Variants in KANTR observed in about 807,000 individuals in gnomAD.
KANTR encodes KANTR integral membrane protein.
intron 2 of KANTR, among the ~76,000 whole-genome samples, chrX:53,104,527 C>A (rs924435893): frequency 1.8e-5 from 2 of 110,966 alleles, no homozygotes; most frequent in Admixed American, 1.9e-4. Context: ...CCCCGACCCC[C>A]ACCAAAGAAG....
At chrX:53,122,634 A>AT (rs782813495) in intron 2 of KANTR, among the ~76,000 whole-genome samples, 10 of 111,353 alleles carry the variant, frequency 9.0e-5, no homozygotes, top group Non-Finnish European at 1.9e-4. Flanking sequence ...AGAGGCTTTT[A>AT]TTTTTTTAAT....
At chrX:53,100,184 C>T (rs1932876921) in intron 2 of KANTR, among the ~76,000 whole-genome samples, 1 of 112,362 alleles carries the variant, frequency 8.9e-6, no homozygotes, top group Non-Finnish European at 1.9e-5. Context: ...GTTTCAGCTA[C>T]ACTGAAAATC....
chrX:53,107,821 A>G, intron 2 of KANTR, among the ~76,000 whole-genome samples: 1 of 110,570 alleles, frequency 9.0e-6, no homozygotes, highest in Middle Eastern at 4.7e-3. Flanking sequence ...CAATGGCTCC[A>G]TCATAGCCCA....
At chrX:53,125,479 T>C (rs782017893) in exon 3 of KANTR, 1 of 111,802 alleles carries the variant, frequency 8.9e-6, no homozygotes, top group East Asian at 2.8e-4. Flanking sequence ...TTTTCTCTTT[T>C]CTCGCCTGCT....
chrX:53,108,793 C>T (rs1232243540), intron 2 of KANTR, among the ~76,000 whole-genome samples: 19 of 110,326 alleles, frequency 1.7e-4, no homozygotes, highest in Non-Finnish European at 1.9e-5. Context: ...CTCGAACTCT[C>T]GGGCTCAAGC....
intron 2 of KANTR, 52 bp downstream of exon 2, chrX:53,099,660 G>T (rs1932873505): frequency 9.0e-6 from 1 of 111,579 alleles, no homozygotes; most frequent in Admixed American, 9.6e-5. Context: ...TCCATCAGAG[G>T]AATCACTGTC....
intron 2 of KANTR, among the ~76,000 whole-genome samples, chrX:53,113,704 C>CGAGTAGCT (rs1247645369): frequency 1.9e-5 from 2 of 106,002 alleles, no homozygotes; most frequent in Non-Finnish European, 3.9e-5. Context: ...CTCAGCCTCC[C>CGAGTAGCT]GAGTAGCTGG....
intron 2 of KANTR, among the ~76,000 whole-genome samples, chrX:53,140,560 T>C (rs1488181307): frequency 2.8e-5 from 3 of 108,541 alleles, no homozygotes; most frequent in Non-Finnish European, 5.7e-5. Context: ...ATTCTGTTCC[T>C]GGGTACAATA....
At chrX:53,113,412 G>A (rs1933072444) in intron 2 of KANTR, 1 of 113,742 alleles carries the variant, frequency 8.8e-6, no homozygotes, top group African/African-American at 3.3e-5. Flanking sequence ...TCATTGAATT[G>A]TCCCTGCATA....
At chrX:53,138,098 C>T (rs1382804015) in intron 2 of KANTR, among the ~76,000 whole-genome samples, 1 of 109,213 alleles carries the variant, frequency 9.2e-6, no homozygotes, top group Non-Finnish European at 1.9e-5. Context: ...GATGGAGTTT[C>T]ACTCTTGTTG....
At chrX:53,145,723 G>A (rs1398367564), downstream of KANTR, among the ~76,000 whole-genome samples, 1 of 112,269 alleles carries the variant, frequency 8.9e-6, no homozygotes. Flanking sequence ...CCTGACCCCC[G>A]AGTAGCCTAA....
intron 2 of KANTR, among the ~76,000 whole-genome samples, chrX:53,139,621 C>A (rs1394125437): frequency 4.5e-5 from 5 of 111,618 alleles, no homozygotes; most frequent in Non-Finnish European, 9.4e-5. Context: ...GAGTTTGAGA[C>A]CAGCCAGACA....
rs1039133576 is a variant in KANTR at position 53,138,336 on chromosome X, C to T, written n.204-3512C>T. On this transcript the variant is annotated intron_variant and non_coding_transcript_variant, in intron 2 of 2. Coordinates refer to the KANTR transcript ENST00000366185. ...GCCCGCCTCAGCCTCCCAACAGGCG[C>T]GAGTCACCACGCCCGGCCTTTGTTT... Among the ~76,000 whole-genome samples, 10 of 108,078 alleles carry T rather than the reference C, an allele frequency of 9.3e-5. No individual in the cohort carries two copies. The South Asian group carries it at 1.2e-3, about 13-fold the overall frequency. 93.9% of individuals were successfully genotyped at this position (108,078 alleles called of 115,157 possible). A position where few individuals can be genotyped will look rare whatever the true frequency, so the allele number is the denominator to read the frequency against.
intron 2 of KANTR, among the ~76,000 whole-genome samples, chrX:53,101,226 G>A (rs782495865): frequency 6.3e-4 from 71 of 112,819 alleles, no homozygotes; most frequent in Non-Finnish European, 1.2e-3. Context: ...ACTGTTCGGC[G>A]CAAGAAGCCT....
chrX:53,116,078 C>G (rs782094716), intron 2 of KANTR, among the ~76,000 whole-genome samples: 10 of 111,714 alleles, frequency 9.0e-5, no homozygotes, highest in African/African-American at 3.2e-4. Flanking sequence ...TTTGGTCTCC[C>G]CCTGCATTAT....
At chrX:53,136,806 C>T (rs1352019584) in intron 2 of KANTR, among the ~76,000 whole-genome samples, 1 of 89,744 alleles carries the variant, frequency 1.1e-5, no homozygotes, top group African/African-American at 3.9e-5. Flanking sequence ...TGCAATGGCA[C>T]AATCTCGGCT....
chrX:53,137,905 T>A (rs139168392), intron 2 of KANTR, among the ~76,000 whole-genome samples: 1,200 of 111,565 alleles, frequency 0.011, 12 homozygotes, highest in African/African-American at 0.037. Flanking sequence ...CTTGGTTTTT[T>A]AATTTTCTTT....
intron 2 of KANTR, among the ~76,000 whole-genome samples, chrX:53,100,667 G>A (rs191551153): frequency 9.2e-5 from 10 of 109,052 alleles, no homozygotes; most frequent in African/African-American, 3.3e-4. Context: ...GCGTGGTGGC[G>A]GGCACCTGTA....
intron 2 of KANTR, among the ~76,000 whole-genome samples, chrX:53,119,159 C>T (rs1556815126): frequency 9.2e-6 from 1 of 108,109 alleles, no homozygotes. Flanking sequence ...GTGATCCTCC[C>T]ACCTCAGCTT....
Sources: gnomAD v4.1 joint callset for allele counts (sites outside exome capture counted in the v4.1 genomes callset) on GRCh38, gnomAD v4.1.1 for gene constraint, MANE v1.5 for transcripts, NCBI Gene and HGNC (gene_info 2026-07-23, HGNC 2026-07-21) for gene names.